The following CTNNAL1 variants were observed in gnomAD, a reference collection of about 807,000 sequenced individuals.
CTNNAL1 encodes alpha-catulin.
In CTNNAL1, 69 loss-of-function variants were observed where a neutral mutation model predicts 93.6. That is an observed-to-expected ratio of 0.74 (90% CI 0.61 to 0.90). The LOEUF (loss-of-function observed/expected upper bound fraction) is 0.90, where lower values mean the gene tolerates loss of function less well. Among genes scored for constraint, CTNNAL1 ranks in the 40% least tolerant of loss-of-function variants. The pLI, the probability that CTNNAL1 is intolerant of heterozygous loss-of-function variation, is 0.00. For synonymous variants in CTNNAL1, 286 were observed against 305.4 expected, an observed-to-expected ratio of 0.94 and a Z score of 0.66; for missense variants, 836 against 862.0, an observed-to-expected ratio of 0.97 and a Z score of 0.38.
chr9:108,943,882 A>G (rs1438804211), intron 16 of CTNNAL1, 66 bp from the exon 17 acceptor site: 6 of 1,599,584 alleles, frequency 3.8e-6, no homozygotes. Flanking sequence ...CCTTAAACAC[A>G]TTTATACATT....
rs774185002 is a variant in CTNNAL1, at chr9:108,952,507, AAAGATT to A, written c.1630-19_1630-14del. 1.9e-6 allele frequency: 3 copies of A among 1,614,074 alleles called. No homozygotes were observed. The highest frequency in any genetic ancestry group is 2.5e-6 in the Non-Finnish European group (3 of 1,179,986). ...TTGCATTATTCTTCTGTGACAATAA[AAAGATT>A]AAGATTATCTTAAAAAGCAGTACAT... On this transcript the variant is annotated splice_polypyrimidine_tract_variant and intron_variant, in intron 12 of 18. Coordinates refer to ENST00000325551, the MANE Select transcript of CTNNAL1 (RefSeq NM_003798.4).
intron 11 of CTNNAL1, among the ~76,000 whole-genome samples, chr9:108,958,305 T>C (rs2132106868): frequency 6.6e-6 from 1 of 152,254 alleles, no homozygotes; most frequent in East Asian, 1.9e-4. Flanking sequence ...ATCTCTAAGA[T>C]ACCACAGAGT....
chr9:108,972,762 T>C lies in CTNNAL1; in HGVS notation c.1260A>G (p.Ala420=), dbSNP rs1292058504. Residue 420 remains alanine (A), a synonymous_variant, in exon 9 of 19, where the codon GCA becomes GCG. Transcript: ENST00000325551. ...TTCCTTCTACTCCAGTAAGTTTTAA[T>C]GCTTTTAGAACCACATGATCAGCAT... is the stretch of plus-strand genomic sequence containing the variant. ...KYHADHVVLK[A]LKLTGVEGNL... 6.2e-7 allele frequency: 1 copy of C among 1,613,130 alleles called. No homozygotes were observed. Among genetic ancestry groups the C allele is most frequent in the Non-Finnish European group, 8.5e-7 (1 of 1,179,876 alleles).
intron 1 of CTNNAL1, among the ~76,000 whole-genome samples, chr9:109,008,604 C>A (rs1827108875): frequency 6.6e-6 from 1 of 152,174 alleles, no homozygotes; most frequent in African/African-American, 2.4e-5. Context: ...ACCATCTCCA[C>A]GTTCCTCACC....
intron 10 of CTNNAL1, among the ~76,000 whole-genome samples, chr9:108,968,224 G>C (rs1433390046): frequency 6.6e-6 from 1 of 152,212 alleles, no homozygotes; most frequent in Non-Finnish European, 1.5e-5. Flanking sequence ...TGCCAAAGCA[G>C]AGATATCCAG....
intron 1 of CTNNAL1, among the ~76,000 whole-genome samples, chr9:109,003,633 G>A (rs1298643683): frequency 6.6e-6 from 1 of 152,094 alleles, no homozygotes; most frequent in Non-Finnish European, 1.5e-5. Context: ...TTTTGAACAG[G>A]ACTGTATAGC....
chr9:108,950,379 A>C (rs1360151739), intron 14 of CTNNAL1: 1 of 1,031,706 alleles, frequency 9.7e-7, no homozygotes, highest in Non-Finnish European at 1.4e-6. Context: ...AACAACAGTT[A>C]AGAACAATGG....
intron 1 of CTNNAL1, among the ~76,000 whole-genome samples, chr9:109,003,940 T>C (rs898872768): frequency 2.0e-5 from 3 of 152,250 alleles, no homozygotes; most frequent in East Asian, 1.9e-4. Flanking sequence ...CTCCCTTAAA[T>C]AGGTGAAGTC....
chr9:109,000,356 T>A (rs907231656), intron 1 of CTNNAL1, among the ~76,000 whole-genome samples: 1 of 152,168 alleles, frequency 6.6e-6, no homozygotes, highest in Admixed American at 6.5e-5. Flanking sequence ...TTACACAAAA[T>A]ATATTTGTTG....
chr9:108,961,670 A>G (rs1830824350), intron 11 of CTNNAL1, among the ~76,000 whole-genome samples: 1 of 152,250 alleles, frequency 6.6e-6, no homozygotes, highest in Admixed American at 6.5e-5. Context: ...CAGTGCTCAC[A>G]TAGTCTGAAA....
chr9:108,975,189 G>T (rs1831231645), intron 8 of CTNNAL1, among the ~76,000 whole-genome samples: 1 of 151,862 alleles, frequency 6.6e-6, no homozygotes, highest in Admixed American at 6.6e-5. Context: ...AAAAATAAAA[G>T]AATTAAGAAA....
In CTNNAL1 at chr9:108,952,225, G is replaced by A. The variant is rs1328671534; in HGVS notation, c.1819C>T (p.Leu607=). The A allele has an allele frequency of 6.2e-7, 1 of 1,610,654 alleles. No homozygotes were observed. The highest frequency in any genetic ancestry group is 1.3e-5 in the African/African-American group (1 of 74,754). The part of the protein sequence containing the change: ...GRNMSSMAYS[L]YLFTRGEGPL... The stretch of plus-strand genomic sequence containing the variant: ...TACATTTACCTAGTAAATAAATACA[G>A]AGAATAGGCCATACTGGACATGTTC... Residue 607 remains leucine (L), a synonymous_variant, in exon 14 of 19, where the codon CTG becomes TTG. Coordinates refer to ENST00000325551, the MANE Select transcript of CTNNAL1 (RefSeq NM_003798.4).
intron 6 of CTNNAL1, among the ~76,000 whole-genome samples, chr9:108,980,294 C>T (rs772555167): frequency 2.0e-5 from 3 of 152,148 alleles, no homozygotes; most frequent in Non-Finnish European, 2.9e-5. Flanking sequence ...CAGTCTTTCT[C>T]TCTCAGCTTT....
intron 1 of CTNNAL1, among the ~76,000 whole-genome samples, chr9:109,008,999 A>C (rs1827127859): frequency 6.7e-6 from 1 of 148,644 alleles, no homozygotes; most frequent in Non-Finnish European, 1.5e-5. Flanking sequence ...AGCTCAAGCA[A>C]TCCTCCCACC....
intron 1 of CTNNAL1, among the ~76,000 whole-genome samples, chr9:109,010,922 G>C (rs1484242841): frequency 2.0e-5 from 3 of 152,156 alleles, no homozygotes; most frequent in Non-Finnish European, 2.9e-5. Flanking sequence ...ATGTTCATTT[G>C]ACACTTTGCA....
At chr9:108,986,134 G>A (rs539478889) in intron 4 of CTNNAL1, among the ~76,000 whole-genome samples, 136 of 149,432 alleles carry the variant, frequency 9.1e-4, no homozygotes, top group African/African-American at 3.1e-3. Flanking sequence ...CCATTAACTC[G>A]TCATTTAGCA....
chr9:108,965,148 G>A (rs1371731553), intron 11 of CTNNAL1, among the ~76,000 whole-genome samples: 2 of 151,932 alleles, frequency 1.3e-5, no homozygotes, highest in East Asian at 1.9e-4. Context: ...GGTGTGAGCC[G>A]CCACACCTGG....
intron 5 of CTNNAL1, 110 bp downstream of exon 5, chr9:108,984,237 C>A: frequency 1.5e-6 from 1 of 668,204 alleles, no homozygotes; most frequent in South Asian, 1.9e-5. Flanking sequence ...GGCCTATGTT[C>A]TAAGTAATCA....
Position 108,965,546 on chromosome 9 carries a change from AC to A in CTNNAL1, c.1441-19del. The A allele has an allele frequency of 6.8e-7, 1 of 1,464,432 alleles. No homozygotes were observed. 90.7% of individuals were successfully genotyped at this position (1,464,432 alleles called of 1,614,324 possible). On this transcript the variant is annotated intron_variant, in intron 10 of 18. Transcript: ENST00000325551. ...GAAATTATCTAAAGAAACACAATAT[AC>A]ACCTGTGTGAATTTCAAAATCTTAG... is the stretch of plus-strand genomic sequence containing the variant.
Sources: allele counts gnomAD v4.1 joint callset (sites outside exome capture counted in the v4.1 genomes callset), GRCh38; gene constraint gnomAD v4.1.1; transcripts MANE v1.5; gene names NCBI Gene and HGNC (gene_info 2026-07-23, HGNC 2026-07-21).